EHMT1: variants seen among roughly 807,000 people sequenced by gnomAD.
EHMT1 encodes the protein histone-lysine N-methyltransferase EHMT1.
Under a neutral mutation model 147.2 loss-of-function variants are expected in EHMT1, and 15 were observed. That is an observed-to-expected ratio of 0.10 (90% confidence interval 0.07 to 0.16). The LOEUF (loss-of-function observed/expected upper bound fraction) is 0.16, where lower values mean the gene tolerates loss of function less well. EHMT1 is among the 10% of genes least tolerant of loss of function. The pLI, the probability that EHMT1 is intolerant of heterozygous loss-of-function variation, is 1.00. For synonymous variants in EHMT1, 795 were observed against 709.6 expected (o/e 1.12, Z -1.91); for missense variants, 1,587 against 1,772.4 (o/e 0.90, Z 1.88).
At chr9:137,675,630 A>ATT (rs61666243) in intron 1 of EHMT1, among the ~76,000 whole-genome samples, 7 of 105,752 alleles carry the variant, frequency 6.6e-5, no homozygotes, top group East Asian at 2.5e-4. Context: ...CGCCCGGCTA[A>ATT]TTTTTTTTTT....
In EHMT1 at chr9:137,692,267, CT is replaced by C. The variant is rs11398600; in HGVS notation, c.22-18685del. The stretch of plus-strand genomic sequence containing the variant: ...TTTTCTTTTCTTTCTTTCTTTCTTT[CT>C]TTTTTTTTTTTTTTGAGACAGAGCC... On this transcript the variant is annotated intron_variant, in intron 1 of 26. Coordinates refer to ENST00000460843, the MANE Select transcript of EHMT1 (RefSeq NM_024757.5). Among the ~76,000 whole-genome samples, 910 of 118,298 alleles carry C rather than the reference CT, an allele frequency of 7.7e-3. 5 individuals carry two copies. The highest frequency in any genetic ancestry group is 0.022 in the African/African-American group (703 of 31,264). 77.6% of individuals were successfully genotyped at this position (118,298 alleles called of 152,430 possible).
intron 21 of EHMT1, among the ~76,000 whole-genome samples, chr9:137,814,056 G>GCCCCCCCCCCCC (rs71387862): frequency 2.0e-5 from 1 of 50,062 alleles, no homozygotes; most frequent in Non-Finnish European, 3.5e-5. Context: ...CACTGCCCAG[G>GCCCCCCCCCCCC]CCCCCCCCCC....
chr9:137,782,484 TC>T lies in EHMT1; in HGVS notation c.2382+89del. On this transcript the variant is annotated intron_variant, in intron 15 of 26. Coordinates refer to ENST00000460843, the MANE Select transcript of EHMT1 (RefSeq NM_024757.5). The surrounding 1 kb of genome is among the most constrained non-coding windows in gnomAD (Gnocchi z 5.7). ...AAAATCATACCACGTTCGCGGTTCT[TC>T]CAGTGTAAGAGTTCCGTAGTGCTGT... 1 of 1,310,522 alleles carries T rather than the reference TC, an allele frequency of 7.6e-7. No individual in the cohort carries two copies. The highest frequency in any genetic ancestry group is 1.1e-6 in the Non-Finnish European group (1 of 944,848). 81.2% of individuals were successfully genotyped at this position (1,310,522 alleles called of 1,614,324 possible). A position where few individuals can be genotyped will look rare whatever the true frequency, so the allele number is the denominator to read the frequency against.
At chr9:137,771,664 CTGGGGTCTTACCGAGGAGACCGGGGTGG>C (rs71730482) in intron 10 of EHMT1, among the ~76,000 whole-genome samples, 7,432 of 152,164 alleles carry the variant, frequency 0.049, 599 homozygotes, top group African/African-American at 0.17. Context: ...GATGGGGGTG[CTGGGGTCTTACCGAGGAGACCGGGGTGG>C]CGGGGCGTTT....
intron 1 of EHMT1, among the ~76,000 whole-genome samples, chr9:137,623,646 C>T (rs1843076614): frequency 1.3e-5 from 2 of 152,196 alleles, no homozygotes; most frequent in South Asian, 2.1e-4. Context: ...CTCCTGAACT[C>T]CCAACCTCAG....
intron 1 of EHMT1, among the ~76,000 whole-genome samples, chr9:137,647,276 T>C (rs1467101567): frequency 6.6e-6 from 1 of 152,132 alleles, no homozygotes; most frequent in African/African-American, 2.4e-5. Context: ...CTGACCTCTT[T>C]GCTGTGGCTC....
At chr9:137,729,599 A>AAT (rs1488554495) in intron 4 of EHMT1, among the ~76,000 whole-genome samples, 34 of 151,054 alleles carry the variant, frequency 2.3e-4, no homozygotes, top group African/African-American at 4.4e-4. Flanking sequence ...AAAAAAAAAA[A>AAT]TTTTTTTTAA....
At chr9:137,631,970 C>T (rs1412437126) in intron 1 of EHMT1, among the ~76,000 whole-genome samples, 1 of 152,162 alleles carries the variant, frequency 6.6e-6, no homozygotes, top group Non-Finnish European at 1.5e-5. Context: ...AGTGCACTGC[C>T]TTTTCTGTGT....
At chr9:137,676,723 A>G (rs963979749) in intron 1 of EHMT1, among the ~76,000 whole-genome samples, 2 of 152,184 alleles carry the variant, frequency 1.3e-5, no homozygotes, top group Non-Finnish European at 2.9e-5. Flanking sequence ...GGGTGGAGCC[A>G]CAGGGGACTG....
rs1947163442 is a variant in EHMT1 at position 137,732,118 on chromosome 9, TC to T, written c.823+3592del. Among the ~76,000 whole-genome samples the T allele has an allele frequency of 6.6e-6, 1 of 152,138 alleles. No homozygotes were observed. Among genetic ancestry groups the T allele is most frequent in the South Asian group, 2.1e-4 (1 of 4,832 alleles). On this transcript the variant is annotated intron_variant, in intron 4 of 26. Transcript: ENST00000460843. The surrounding 1 kb of genome is among the most constrained non-coding windows in gnomAD (Gnocchi z 4.6). ...TGCCGCTTTCGCCCTGGCCTGCAGC[TC>T]CCAGGCTGGCCTGGCTCCACTGCTG...
intron 23 of EHMT1, 95 bp downstream of exon 23, chr9:137,816,157 T>A: frequency 3.7e-6 from 4 of 1,093,680 alleles, no homozygotes; most frequent in Non-Finnish European, 5.5e-6. Context: ...TTAACGTGTT[T>A]GGATGCACGC....
chr9:137,676,727 G>C (rs975639160), intron 1 of EHMT1, among the ~76,000 whole-genome samples: 3 of 152,172 alleles, frequency 2.0e-5, no homozygotes, highest in Admixed American at 6.5e-5. Flanking sequence ...GGAGCCACAG[G>C]GGACTGGAGC....
intron 18 of EHMT1, among the ~76,000 whole-genome samples, chr9:137,809,738 A>G (rs1954261965): frequency 6.6e-6 from 1 of 152,268 alleles, no homozygotes. Flanking sequence ...AAAAGCACTA[A>G]AATATTTGCT....
chr9:137,721,833 C>G (rs1028523103), intron 3 of EHMT1, among the ~76,000 whole-genome samples: 1 of 152,154 alleles, frequency 6.6e-6, no homozygotes, highest in East Asian at 1.9e-4. Flanking sequence ...TGGTCTGAAG[C>G]TTCTCTTCTT....
In EHMT1 at chr9:137,619,069, G is replaced by GGGGGCGGCGC. The variant is rs1411961113; in HGVS notation, c.21+25_21+34dup. ...GCCGAGGTGAGCAGCGGGGCCGGCG[G>GGGGGCGGCGC]GGGGCGGCGCGGGGGCGGCGGGCAG... On this transcript the variant is annotated intron_variant, in intron 1 of 26. Coordinates refer to ENST00000460843, the MANE Select transcript of EHMT1 (RefSeq NM_024757.5). 1 of 877,884 alleles carries GGGGGCGGCGC rather than the reference G, an allele frequency of 1.1e-6. No homozygotes were observed. Among genetic ancestry groups the GGGGGCGGCGC allele is most frequent in the African/African-American group, 1.8e-5 (1 of 54,338 alleles). 54.4% of individuals were successfully genotyped at this position (877,884 alleles called of 1,614,324 possible). A position where few individuals can be genotyped will look rare whatever the true frequency, so the allele number is the denominator to read the frequency against.
intron 18 of EHMT1, chr9:137,803,424 G>A (rs916564111): frequency 3.6e-5 from 18 of 495,496 alleles, no homozygotes; most frequent in East Asian, 3.0e-4. Flanking sequence ...TGTTGTCTGC[G>A]TGTCTCGGTT....
At chr9:137,763,270 A>T in intron 10 of EHMT1, 1 of 306,652 alleles carries the variant, frequency 3.3e-6, no homozygotes, top group East Asian at 7.3e-5. Flanking sequence ...CAGAGGGTTC[A>T]GCACGTCCCG....
intron 25 of EHMT1, among the ~76,000 whole-genome samples, chr9:137,823,966 T>C (rs1454791311): frequency 6.6e-6 from 1 of 152,386 alleles, no homozygotes; most frequent in East Asian, 1.9e-4. Flanking sequence ...AATATTTTCT[T>C]AGTCTGTGCC....
chr9:137,741,628 G>C (rs1308841472), intron 4 of EHMT1, among the ~76,000 whole-genome samples: 1 of 152,172 alleles, frequency 6.6e-6, no homozygotes, highest in Non-Finnish European at 1.5e-5. Context: ...AGTCACCCTT[G>C]GGTATATGCA....
Sources: allele counts gnomAD v4.1 joint callset (sites outside exome capture counted in the v4.1 genomes callset), GRCh38; gene constraint gnomAD v4.1.1; non-coding constraint Gnocchi (gnomAD v3.1); transcripts MANE v1.5; gene names NCBI Gene and HGNC (gene_info 2026-07-23, HGNC 2026-07-21).